TOP1: variants seen among roughly 807,000 people sequenced by gnomAD.
The protein encoded by TOP1 is DNA topoisomerase I, also known as DNA topoisomerase 1.
A neutral mutation model predicts 111.1 loss-of-function variants in TOP1; 10 were observed. That is an observed-to-expected ratio of 0.09 (90% CI 0.06 to 0.15). The LOEUF (loss-of-function observed/expected upper bound fraction) is 0.15, where lower values mean the gene tolerates loss of function less well. Among genes scored for constraint, TOP1 ranks in the 10% least tolerant of loss-of-function variants. The pLI is 1.00. For synonymous variants in TOP1, 271 were observed against 302.9 expected (o/e 0.89, Z 1.10); for missense variants, 474 against 926.7 (o/e 0.51, Z 6.34).
rs2034217135 is a variant in TOP1 at position 41,110,437 on chromosome 20, T to C, written c.1309-2345T>C. 6.6e-6 allele frequency among the ~76,000 whole-genome samples: 1 copy of C among 152,144 alleles called. No homozygotes were observed. The highest frequency in any genetic ancestry group is 1.5e-5 in the Non-Finnish European group (1 of 68,038). On this transcript the variant is annotated intron_variant, in intron 13 of 20. Transcript: ENST00000361337. This position sits in a 1 kb window ranked among gnomAD's most constrained non-coding sequence, Gnocchi z 4.2. ...GGTGGAAATTGACTGAGAAGGGAAA[T>C]AGTCATGTAAGAATACTGGCAAATG...
Position 41,101,400 on chromosome 20 carries a change from T to C in TOP1, c.1308+47T>C, listed in dbSNP as rs754415044. 1 of 1,557,870 alleles carries C rather than the reference T, an allele frequency of 6.4e-7. No individual in the cohort carries two copies. The highest frequency in any genetic ancestry group is 1.4e-5 in the African/African-American group (1 of 73,462). On this transcript the variant is annotated intron_variant, in intron 13 of 20. Coordinates refer to ENST00000361337, the MANE Select transcript of TOP1 (RefSeq NM_003286.4). The surrounding 1 kb of genome is among the most constrained non-coding windows in gnomAD (Gnocchi z 4.1). Reference sequence around the variant, plus strand: ...GCACTGGTTCATGGTGCTGATAACCTTTTTTTGTTGAAATGTAACGTTCTC... The same window carrying C: ...GCACTGGTTCATGGTGCTGATAACCCTTTTTTGTTGAAATGTAACGTTCTC...
Position 41,118,088 on chromosome 20 carries a change from A to G in TOP1, c.1823-81A>G. 6.8e-7 allele frequency: 1 copy of G among 1,470,126 alleles called. No homozygotes were observed. Among genetic ancestry groups the G allele is most frequent in the Non-Finnish European group, 9.2e-7 (1 of 1,085,466 alleles). The allele number at this position is 1,470,126 out of a possible 1,614,324, so 91.1% of individuals were successfully genotyped here. On this transcript the variant is annotated intron_variant, in intron 17 of 20. Coordinates refer to ENST00000361337, the MANE Select transcript of TOP1 (RefSeq NM_003286.4). The surrounding 1 kb of genome is among the most constrained non-coding windows in gnomAD (Gnocchi z 4.6). ...AAGAGCCAGCAAAATCATGGGGACG[A>G]GGCACTGGGGGAAGACATACTGTGT...
At chr20:41,066,608 G>A (rs983176059) in intron 3 of TOP1, among the ~76,000 whole-genome samples, 1 of 143,874 alleles carries the variant, frequency 7.0e-6, no homozygotes, top group African/African-American at 2.6e-5. Context: ...AGGCTGGAGT[G>A]CAGTGACACA....
At position 41,095,866 on chromosome 20, in the gene TOP1, G is replaced by A. The variant is rs1309330429; in HGVS notation, c.731-1354G>A. On this transcript the variant is annotated intron_variant, in intron 9 of 20. Coordinates refer to ENST00000361337, the MANE Select transcript of TOP1 (RefSeq NM_003286.4). This position sits in a 1 kb window ranked among gnomAD's most constrained non-coding sequence, Gnocchi z 4.6. ...GCATGGATTGGTTCGAGGTGATGTTGTAAAGTTGGATTTTTAAGAAAGAAT... is the reference window on the plus strand; with the variant it reads ...GCATGGATTGGTTCGAGGTGATGTTATAAAGTTGGATTTTTAAGAAAGAAT... 1.3e-5 allele frequency among the ~76,000 whole-genome samples: 2 copies of A among 152,282 alleles called. No individual in the cohort carries two copies. The highest frequency in any genetic ancestry group is 3.9e-4 in the East Asian group (2 of 5,188).
intron 8 of TOP1, among the ~76,000 whole-genome samples, chr20:41,086,555 CTT>C (rs1014341015): frequency 1.3e-5 from 2 of 152,170 alleles, no homozygotes; most frequent in Non-Finnish European, 2.9e-5. Flanking sequence ...AGCTTTGGCT[CTT>C]TTTGGGATCC....
At chr20:41,081,735 T>C (rs1371188619) in intron 7 of TOP1, among the ~76,000 whole-genome samples, 2 of 152,194 alleles carry the variant, frequency 1.3e-5, no homozygotes, top group Non-Finnish European at 1.5e-5. Flanking sequence ...ATCTTGTGTC[T>C]CTCTTCATCT....
At chr20:41,120,464 G>A (rs898798392) in intron 18 of TOP1, among the ~76,000 whole-genome samples, 26 of 152,232 alleles carry the variant, frequency 1.7e-4, no homozygotes, top group Non-Finnish European at 2.2e-4. Context: ...GATGACCATA[G>A]GTATGGGGTT....
intron 2 of TOP1, among the ~76,000 whole-genome samples, chr20:41,051,207 C>T (rs951831662): frequency 6.6e-6 from 1 of 152,204 alleles, no homozygotes; most frequent in Non-Finnish European, 1.5e-5. Flanking sequence ...ATTCCCCATA[C>T]ACTTGACTTG....
rs1178596538 is a variant in TOP1 at position 41,116,074 on chromosome 20, A to T, written c.1708-204A>T. On this transcript the variant is annotated intron_variant, in intron 16 of 20. Coordinates refer to ENST00000361337, the MANE Select transcript of TOP1 (RefSeq NM_003286.4). The surrounding 1 kb of genome is among the most constrained non-coding windows in gnomAD (Gnocchi z 5.6). ...GTGTCAGAGTGAGACCCTGTCATAC[A>T]CACACACAAAGATTGAAATACTTCA... Among the ~76,000 whole-genome samples, 1 of 152,182 alleles carries T rather than the reference A, an allele frequency of 6.6e-6. No individual in the cohort carries two copies. The highest frequency in any genetic ancestry group is 6.5e-5 in the Admixed American group (1 of 15,278).
intron 3 of TOP1, among the ~76,000 whole-genome samples, chr20:41,066,260 A>T (rs1443805646): frequency 6.6e-6 from 1 of 152,152 alleles, no homozygotes; most frequent in Non-Finnish European, 1.5e-5. Flanking sequence ...TCTTAAAAAA[A>T]AAAAAGGGAT....
chr20:41,041,616 G>C (rs1400144012), intron 2 of TOP1, among the ~76,000 whole-genome samples: 1 of 152,024 alleles, frequency 6.6e-6, no homozygotes, highest in Non-Finnish European at 1.5e-5. Flanking sequence ...TTCTCAAGCT[G>C]ATATGCCTAA....
At chr20:41,059,451 A>AG (rs2033517083) in intron 2 of TOP1, among the ~76,000 whole-genome samples, 5 of 147,338 alleles carry the variant, frequency 3.4e-5, no homozygotes, top group African/African-American at 1.2e-4. Context: ...TAAATAAATA[A>AG]ATAAATAAGG....
chr20:41,119,627 TTAAGA>T (rs66776904), intron 18 of TOP1, among the ~76,000 whole-genome samples: 10,792 of 152,254 alleles, frequency 0.071, 498 homozygotes, highest in Non-Finnish European at 0.1. Flanking sequence ...TGAGATTTCC[TTAAGA>T]TAAGTACCCA....
At chr20:41,063,161 C>T (rs2033566350) in intron 3 of TOP1, among the ~76,000 whole-genome samples, 1 of 152,174 alleles carries the variant, frequency 6.6e-6, no homozygotes. Flanking sequence ...CGATGTTTAG[C>T]TCCTGCTTAA....
chr20:41,047,150 G>C (rs2033344694), intron 2 of TOP1, among the ~76,000 whole-genome samples: 2 of 152,228 alleles, frequency 1.3e-5, no homozygotes, highest in Admixed American at 6.5e-5. Context: ...TACTAGCGCA[G>C]TGTTCTGCAA....
intron 2 of TOP1, among the ~76,000 whole-genome samples, chr20:41,059,833 C>T (rs1568680115): frequency 6.6e-6 from 1 of 152,156 alleles, no homozygotes; most frequent in African/African-American, 2.4e-5. Context: ...ATAAAGAGCT[C>T]TTACAACTAG....
Position 41,115,486 on chromosome 20 carries a change from C to T in TOP1, c.1707+47C>T. 2.8e-6 allele frequency: 4 copies of T among 1,425,086 alleles called. No homozygotes were observed. Among genetic ancestry groups the T allele is most frequent in the Non-Finnish European group, 4.0e-6 (4 of 1,008,722 alleles). 88.3% of individuals were successfully genotyped at this position (1,425,086 alleles called of 1,614,324 possible). On this transcript the variant is annotated intron_variant, in intron 16 of 20. Transcript: ENST00000361337. This position sits in a 1 kb window ranked among gnomAD's most constrained non-coding sequence, Gnocchi z 6.3. ...TGTTGAAGGGAGTCCCAGCCAGAGC[C>T]TCACAGTACCTAAAGGGGAGGGTTG...
chr20:41,056,253 C>T (rs547462167), intron 2 of TOP1, among the ~76,000 whole-genome samples: 1 of 152,138 alleles, frequency 6.6e-6, no homozygotes, highest in Non-Finnish European at 1.5e-5. Flanking sequence ...TGTTTAAATG[C>T]TTTTGGCGTT....
intron 3 of TOP1, among the ~76,000 whole-genome samples, chr20:41,064,889 G>T (rs1464183636): frequency 6.6e-6 from 1 of 151,836 alleles, no homozygotes; most frequent in Non-Finnish European, 1.5e-5. Flanking sequence ...GGGGCGGGGG[G>T]CTGGTTTTTT....
Sources: allele counts gnomAD v4.1 joint callset (sites outside exome capture counted in the v4.1 genomes callset), GRCh38; gene constraint gnomAD v4.1.1; non-coding constraint Gnocchi (gnomAD v3.1); transcripts MANE v1.5; gene names NCBI Gene and HGNC (gene_info 2026-07-23, HGNC 2026-07-21).